The following AFG1L variants were observed in gnomAD, a reference collection of about 807,000 sequenced individuals.
The protein encoded by AFG1L is AFG1-like ATPase.
Under a neutral mutation model 62.2 loss-of-function variants are expected in AFG1L, and 53 were observed. The ratio of observed to expected loss-of-function variants is 0.85; its 90% CI spans 0.68 to 1.07. AFG1L has a LOEUF of 1.07. Among genes scored for constraint, AFG1L ranks in the 50% least tolerant of loss-of-function variants. AFG1L has a pLI of 0.00. For synonymous variants in AFG1L, 228 were observed against 210.3 expected (o/e 1.08, Z -0.73); for missense variants, 555 against 590.5 (o/e 0.94, Z 0.62).
intron 5 of AFG1L, among the ~76,000 whole-genome samples, chr6:108,363,575 A>T (rs1437768634): frequency 6.6e-6 from 1 of 152,038 alleles, no homozygotes; most frequent in Non-Finnish European, 1.5e-5. Context: ...TGGAATATTT[A>T]TGTTACATGT....
At chr6:108,379,197 G>A (rs1447386811) in intron 6 of AFG1L, among the ~76,000 whole-genome samples, 1 of 151,864 alleles carries the variant, frequency 6.6e-6, no homozygotes, top group Non-Finnish European at 1.5e-5. Flanking sequence ...TTTTAGTAGA[G>A]ACAGGGTTTC....
At chr6:108,316,141 C>G (rs550378) in intron 1 of AFG1L, among the ~76,000 whole-genome samples, 97,427 of 151,502 alleles carry the variant, frequency 0.64, 31,721 homozygotes, top group East Asian at 0.79. Flanking sequence ...CAGCACTTTG[C>G]GAGGCCGAGG....
chr6:108,424,613 T>G (rs934673728), intron 7 of AFG1L, among the ~76,000 whole-genome samples: 2 of 151,952 alleles, frequency 1.3e-5, no homozygotes, highest in Non-Finnish European at 1.5e-5. Flanking sequence ...ATAAAAATAT[T>G]ATAATGTTAG....
chr6:108,394,027 C>T (rs761149627), intron 6 of AFG1L, among the ~76,000 whole-genome samples: 29 of 151,512 alleles, frequency 1.9e-4, no homozygotes, highest in Non-Finnish European at 3.8e-4. Context: ...CTCTGTCTTT[C>T]GCCTTCCCCT....
At chr6:108,506,353 G>T (rs1361914640) in intron 10 of AFG1L, among the ~76,000 whole-genome samples, 1 of 152,078 alleles carries the variant, frequency 6.6e-6, no homozygotes, top group Non-Finnish European at 1.5e-5. Context: ...AACTACAGGC[G>T]CATACCACCA....
intron 2 of AFG1L, among the ~76,000 whole-genome samples, chr6:108,329,455 C>T (rs185290968): frequency 4.6e-5 from 7 of 151,988 alleles, no homozygotes; most frequent in Non-Finnish European, 7.4e-5. Flanking sequence ...CCCACCACCA[C>T]GCCTGGCTAA....
rs1020982614 is a variant in AFG1L, at chr6:108,494,598, T to C, written c.1063-15614T>C. On this transcript the variant is annotated intron_variant, in intron 10 of 12. Coordinates refer to ENST00000368977, the MANE Select transcript of AFG1L (RefSeq NM_145315.5). Reference sequence around the variant, plus strand: ...CCAAAGAACACCCTGAGAAGCAGAATGTGTTAAGAATTGGTGATATTTTCT... The same window carrying C: ...CCAAAGAACACCCTGAGAAGCAGAACGTGTTAAGAATTGGTGATATTTTCT... Among the ~76,000 whole-genome samples the C allele has an allele frequency of 3.9e-5, 6 of 152,096 alleles. No homozygotes were observed. In the South Asian group the frequency reaches 1.2e-3, roughly 32 times the overall value.
At chr6:108,341,032 A>AAT (rs1325162774) in intron 2 of AFG1L, among the ~76,000 whole-genome samples, 1 of 152,186 alleles carries the variant, frequency 6.6e-6, no homozygotes, top group African/African-American at 2.4e-5. Flanking sequence ...AATTGTTGAC[A>AAT]ATATGGAGGG....
intron 7 of AFG1L, among the ~76,000 whole-genome samples, chr6:108,404,575 A>AT (rs899242710): frequency 6.6e-6 from 1 of 151,306 alleles, no homozygotes; most frequent in Admixed American, 6.6e-5. Flanking sequence ...TTATTCTCAT[A>AT]TTTTTTTTCC....
At chr6:108,405,756 A>T (rs1465817283) in intron 7 of AFG1L, among the ~76,000 whole-genome samples, 1 of 152,082 alleles carries the variant, frequency 6.6e-6, no homozygotes, top group Non-Finnish European at 1.5e-5. Flanking sequence ...TCAAAATGAA[A>T]CTCTGTACTC....
At chr6:108,377,846 A>G (rs1780317511) in intron 6 of AFG1L, among the ~76,000 whole-genome samples, 1 of 151,174 alleles carries the variant, frequency 6.6e-6, no homozygotes, top group African/African-American at 2.4e-5. Flanking sequence ...ATTTTTCACA[A>G]ATTTATTTAT....
At chr6:108,390,772 C>T (rs1479490678) in intron 6 of AFG1L, among the ~76,000 whole-genome samples, 1 of 152,168 alleles carries the variant, frequency 6.6e-6, no homozygotes, top group Non-Finnish European at 1.5e-5. Context: ...TCAGTCTGAC[C>T]CTGCTGGGGG....
At chr6:108,346,921 G>T in intron 2 of AFG1L, 67 bp from the exon 3 acceptor site, 1 of 1,195,312 alleles carries the variant, frequency 8.4e-7, no homozygotes, top group South Asian at 1.2e-5. Flanking sequence ...CAGTTAGGAA[G>T]ACTATGTATA....
intron 3 of AFG1L, among the ~76,000 whole-genome samples, chr6:108,354,349 G>T (rs1387507148): frequency 1.3e-5 from 2 of 150,974 alleles, no homozygotes; most frequent in African/African-American, 2.4e-5. Context: ...CTCTCTTGTC[G>T]CCCAGGCTGG....
rs957121091 is a variant in AFG1L at position 108,331,862 on chromosome 6, G to A, written c.363+7814G>A. On this transcript the variant is annotated intron_variant, in intron 2 of 12. Transcript: ENST00000368977. ...GCAGCCAGGTTTTTTCATCTCTTGG[G>A]AGGAGACATCGTAGCCCAAGAGACC... Among the ~76,000 whole-genome samples, 5 of 152,226 alleles carry A rather than the reference G, an allele frequency of 3.3e-5. No homozygotes were observed. The South Asian group carries it at 1.0e-3, about 32-fold the overall frequency.
chr6:108,337,570 C>T (rs192964188), intron 2 of AFG1L, among the ~76,000 whole-genome samples: 318 of 152,202 alleles, frequency 2.1e-3, no homozygotes, highest in African/African-American at 7.3e-3. Flanking sequence ...GGTTAATCTC[C>T]TAATTTTATT....
intron 7 of AFG1L, among the ~76,000 whole-genome samples, chr6:108,431,074 A>G: frequency 6.6e-6 from 1 of 151,776 alleles, no homozygotes. Context: ...GACCAAGTTG[A>G]CAATGTTGGT....
chr6:108,443,567 C>G (rs1339191542), intron 7 of AFG1L, among the ~76,000 whole-genome samples: 2 of 152,104 alleles, frequency 1.3e-5, no homozygotes, highest in South Asian at 4.1e-4. Context: ...TACGTTGGTT[C>G]CGAAGGTTTG....
At chr6:108,303,774 T>C (rs1486069508) in intron 1 of AFG1L, among the ~76,000 whole-genome samples, 1 of 152,212 alleles carries the variant, frequency 6.6e-6, no homozygotes, top group Non-Finnish European at 1.5e-5. Flanking sequence ...TTTGAAATTC[T>C]CATTTATATA....
Sources: allele counts gnomAD v4.1 joint callset (sites outside exome capture counted in the v4.1 genomes callset), GRCh38; gene constraint gnomAD v4.1.1; transcripts MANE v1.5; gene names NCBI Gene and HGNC (gene_info 2026-07-23, HGNC 2026-07-21).